UNC79: variants seen among roughly 807,000 people sequenced by gnomAD.
UNC79 encodes protein unc-79 homolog.
In UNC79, 37 loss-of-function variants were observed where a neutral mutation model predicts 283.1. The ratio of observed to expected loss-of-function variants is 0.13; its 90% CI spans 0.10 to 0.17. The LOEUF is 0.17. Among genes scored for constraint, UNC79 ranks in the 10% least tolerant of loss-of-function variants. The pLI is 1.00. For missense variants in UNC79, 2,272 were observed against 3,211.1 expected, an observed-to-expected ratio of 0.71 and a Z score of 7.07; for synonymous variants, 1,107 against 1,200.2, an observed-to-expected ratio of 0.92 and a Z score of 1.61.
At chr14:93,461,973 AAAG>A (rs2056977529) in intron 1 of UNC79, among the ~76,000 whole-genome samples, 2 of 4,526 alleles carry the variant, frequency 4.4e-4, no homozygotes, top group Non-Finnish European at 8.1e-4. Context: ...AAAAAAAAAA[AAAG>A]AAAGAAAAGA....
At chr14:93,425,836 G>C (rs2055714223), upstream of UNC79, among the ~76,000 whole-genome samples, 1 of 152,136 alleles carries the variant, frequency 6.6e-6, no homozygotes, top group Non-Finnish European at 1.5e-5. Flanking sequence ...AAAAAGATTG[G>C]TAGGCTGGTT....
At chr14:93,347,806 G>A (rs1165419493) in intron 1 of UNC79, among the ~76,000 whole-genome samples, 1 of 151,946 alleles carries the variant, frequency 6.6e-6, no homozygotes, top group African/African-American at 2.4e-5. Flanking sequence ...AAGTTCCAGA[G>A]TGCGAAGGTT....
In UNC79 at chr14:93,634,991, C is replaced by T. The variant is rs76690479; in HGVS notation, c.5717-2225C>T. Among the ~76,000 whole-genome samples the T allele has an allele frequency of 4.3e-3, 650 of 152,212 alleles. 2 individuals carry two copies. The highest frequency in any genetic ancestry group is 0.015 in the African/African-American group (618 of 41,528). ...TCTCTGTTGTATAAACTACAAAGTA[C>T]GCCCCAAATGAGGGAATATTTATAG... On this transcript the variant is annotated intron_variant, in intron 31 of 48. Transcript: ENST00000555664.
intron 1 of UNC79, among the ~76,000 whole-genome samples, chr14:93,364,020 T>A (rs1270576083): frequency 2.0e-5 from 3 of 151,950 alleles, no homozygotes; most frequent in Admixed American, 6.6e-5. Context: ...GCGCCCGGCC[T>A]ATGTAATGCC....
chr14:93,591,896 C>A (rs2064710666), intron 22 of UNC79, among the ~76,000 whole-genome samples: 1 of 152,134 alleles, frequency 6.6e-6, no homozygotes, highest in Middle Eastern at 3.2e-3. Flanking sequence ...CTTGAGCTCA[C>A]CTGAATAGCA....
At chr14:93,463,694 G>A (rs66470824) in intron 1 of UNC79, among the ~76,000 whole-genome samples, 1 of 151,936 alleles carries the variant, frequency 6.6e-6, no homozygotes, top group Non-Finnish European at 1.5e-5. Context: ...GTATCCACTC[G>A]CACCATAATC....
At chr14:93,521,922 T>C (rs144852979) in intron 7 of UNC79, among the ~76,000 whole-genome samples, 104 of 151,482 alleles carry the variant, frequency 6.9e-4, no homozygotes, top group Middle Eastern at 3.4e-3. Flanking sequence ...AGATCTAACA[T>C]TGGTTCCAGA....
At chr14:93,514,899 C>A (rs978837198) in intron 7 of UNC79, among the ~76,000 whole-genome samples, 5 of 152,146 alleles carry the variant, frequency 3.3e-5, no homozygotes, top group African/African-American at 1.2e-4. Context: ...AAGTTCAATA[C>A]CAGCTTTTTA....
At chr14:93,611,949 G>A (rs866954232) in intron 26 of UNC79, among the ~76,000 whole-genome samples, 1 of 152,088 alleles carries the variant, frequency 6.6e-6, no homozygotes, top group African/African-American at 2.4e-5. Flanking sequence ...AACCTGATAA[G>A]AAGGGGCAGA....
rs59673953 is a variant in UNC79, at chr14:93,567,793, G to A, written c.1756-4101G>A. On this transcript the variant is annotated intron_variant, in intron 14 of 48. Transcript: ENST00000555664. Reference sequence around the variant, plus strand: ...TTTATTTTGCCAAGGTTGAGGATGTGCACCTGTGACACAGCCTCAGGAAAG... The same window carrying A: ...TTTATTTTGCCAAGGTTGAGGATGTACACCTGTGACACAGCCTCAGGAAAG... Among the ~76,000 whole-genome samples, 531 of 152,316 alleles carry A rather than the reference G, an allele frequency of 3.5e-3. 12 individuals carry two copies. The South Asian group carries it at 0.054, about 15-fold the overall frequency.
intron 18 of UNC79, among the ~76,000 whole-genome samples, chr14:93,579,519 C>T (rs1181817344): frequency 6.6e-6 from 1 of 152,128 alleles, no homozygotes; most frequent in African/African-American, 2.4e-5. Context: ...TCTACTCATC[C>T]CGCAGTGCCC....
chr14:93,555,917 C>T (rs1034239245), intron 14 of UNC79, among the ~76,000 whole-genome samples: 9 of 151,870 alleles, frequency 5.9e-5, no homozygotes, highest in Admixed American at 6.6e-5. Context: ...AAACAGATAC[C>T]CTTACATGTG....
chr14:93,623,619 G>A (rs1009818411), intron 30 of UNC79, among the ~76,000 whole-genome samples: 2 of 152,242 alleles, frequency 1.3e-5, no homozygotes, highest in East Asian at 1.9e-4. Context: ...ATGGGGCTGG[G>A]CGTAGTGGTT....
At chr14:93,463,204 T>A (rs1198321290) in intron 1 of UNC79, among the ~76,000 whole-genome samples, 4 of 151,734 alleles carry the variant, frequency 2.6e-5, no homozygotes, top group African/African-American at 9.7e-5. Context: ...GAGGGAGGGA[T>A]TGACTGTACA....
At chr14:93,700,071 A>AG (rs968386370) in intron 47 of UNC79, among the ~76,000 whole-genome samples, 21 of 89,808 alleles carry the variant, frequency 2.3e-4, no homozygotes, top group Non-Finnish European at 4.0e-4. Context: ...ATGGTTTCGG[A>AG]GGTTTTTTTT....
At chr14:93,622,730 A>G in exon 30 of UNC79, 1 of 1,614,200 alleles carries the variant, frequency 6.2e-7, no homozygotes, top group Non-Finnish European at 8.5e-7. Context: ...TAAGATTCAG[A>G]TTGTTCCCAG....
intron 1 of UNC79, among the ~76,000 whole-genome samples, chr14:93,387,681 T>C (rs1197208890): frequency 6.6e-6 from 1 of 152,240 alleles, no homozygotes; most frequent in Non-Finnish European, 1.5e-5. Context: ...TTGAGAATGA[T>C]CCATATGCTG....
chr14:93,691,622 G>A, intron 45 of UNC79, 127 bp from the exon 49 acceptor site: 1 of 918,878 alleles, frequency 1.1e-6, no homozygotes, highest in Non-Finnish European at 1.7e-6. Context: ...TTGTAACTCT[G>A]AGATAACGTT....
chr14:93,458,892 T>G (rs1399138618), intron 1 of UNC79, among the ~76,000 whole-genome samples: 1 of 152,230 alleles, frequency 6.6e-6, no homozygotes, highest in Non-Finnish European at 1.5e-5. Flanking sequence ...GAAACTAATT[T>G]AGAACCATCT....
Sources: allele counts gnomAD v4.1 joint callset (sites outside exome capture counted in the v4.1 genomes callset), GRCh38; gene constraint gnomAD v4.1.1; transcripts MANE v1.5; gene names NCBI Gene and HGNC (gene_info 2026-07-23, HGNC 2026-07-21).